Variants in GMIP observed in about 807,000 individuals in gnomAD.
The protein encoded by GMIP is GEM-interacting protein.
Under a neutral mutation model 105.3 loss-of-function variants are expected in GMIP, and 54 were observed. The ratio of observed to expected loss-of-function variants is 0.51; its 90% CI spans 0.41 to 0.64. The LOEUF (loss-of-function observed/expected upper bound fraction) is 0.64, where lower values mean the gene tolerates loss of function less well. Among genes scored for constraint, GMIP ranks in the 30% least tolerant of loss-of-function variants. The pLI, the probability that GMIP is intolerant of heterozygous loss-of-function variation, is 0.00. For missense variants in GMIP, 1,110 were observed against 1,319.4 expected (o/e 0.84, Z 2.46); for synonymous variants, 541 against 560.8 (o/e 0.96, Z 0.50).
intron 2 of GMIP, 59 bp from the exon 3 acceptor site, chr19:19,642,110 T>A: frequency 8.6e-7 from 1 of 1,157,488 alleles, no homozygotes. Flanking sequence ...TGCCAAGGGG[T>A]GCTGGGGACC....
Position 19,630,588 on chromosome 19 carries a change from T to A in GMIP, c.2473-51A>T, listed in dbSNP as rs369233067. On this transcript the variant is annotated intron_variant, in intron 19 of 20. Coordinates refer to ENST00000203556, the MANE Select transcript of GMIP (RefSeq NM_016573.4). The surrounding 1 kb of genome is among the most constrained non-coding windows in gnomAD (Gnocchi z 4.8). ...ACCCCAACACTAAAATCCCAGTTCT[T>A]TGAGATTCCTGGAGAGCCAAGGGCT... is the stretch of plus-strand genomic sequence containing the variant. 3.5e-5 allele frequency: 52 copies of A among 1,497,972 alleles called. No homozygotes were observed. The highest frequency in any genetic ancestry group is 4.7e-5 in the Non-Finnish European group (51 of 1,074,742). The allele number at this position is 1,497,972 out of a possible 1,614,324, so 92.8% of individuals were successfully genotyped here. A position where few individuals can be genotyped will look rare whatever the true frequency, so the allele number is the denominator to read the frequency against.
intron 12 of GMIP, 30 bp downstream of exon 12, chr19:19,636,886 AC>A (rs1418688641): frequency 1.3e-6 from 2 of 1,546,848 alleles, no homozygotes; most frequent in Non-Finnish European, 1.8e-6. Context: ...AACTCCTGGC[AC>A]CACTCCCACC....
At chr19:19,633,526 G>A (rs1030732833) in intron 19 of GMIP, among the ~76,000 whole-genome samples, 22 of 152,142 alleles carry the variant, frequency 1.4e-4, no homozygotes, top group Admixed American at 1.2e-3. Context: ...CAATGCCTAC[G>A]ACAATGCTTG....
chr19:19,641,086 T>A (rs1251499771), intron 4 of GMIP, among the ~76,000 whole-genome samples: 2 of 151,198 alleles, frequency 1.3e-5, no homozygotes, highest in Admixed American at 1.3e-4. Flanking sequence ...TGGGTTTTTT[T>A]ATTTTTATTT....
chr19:19,640,419 C>G (rs1255084739), intron 5 of GMIP, 27 bp downstream of exon 5: 1 of 1,614,012 alleles, frequency 6.2e-7, no homozygotes, highest in Non-Finnish European at 8.5e-7. Flanking sequence ...TGCCTGGTAA[C>G]TGGGGCTGGG....
At chr19:19,640,615 C>A in intron 4 of GMIP, 44 bp from the exon 5 acceptor site, 1 of 1,608,874 alleles carries the variant, frequency 6.2e-7, no homozygotes, top group Admixed American at 1.7e-5. Context: ...CCCTAGTCTG[C>A]TATGGATGTC....
chr19:19,636,709 G>T lies in GMIP; in HGVS notation c.1325C>A (p.Pro442Gln). 6.2e-7 allele frequency: 1 copy of T among 1,610,550 alleles called. No individual in the cohort carries two copies. Among genetic ancestry groups the T allele is most frequent in the Non-Finnish European group, 8.5e-7 (1 of 1,177,282 alleles). ...TCAGGACCAGGTCCTATCCCTACCT[G>T]GGCTGGAAGTGGGTGAGTCCAGGGA... ...SRSLDSPTSS[P>Q]GAGTRQLVKA... Residue 442 changes from proline (P) to glutamine (Q), a missense_variant and splice_region_variant, in exon 13 of 21, where the codon CCA becomes CAA. Physicochemically the swap from Pro to Gln is moderately conservative, Grantham distance 76. Around this residue, in one of 3 missense-constraint regions of GMIP, gnomAD observed 667 missense variants for 773.2 expected, o/e 0.86. Transcript: ENST00000203556.
chr19:19,635,100 C>T lies in GMIP; in HGVS notation c.1674G>A (p.Arg558=), dbSNP rs755087967. The T allele has an allele frequency of 1.2e-5, 20 of 1,614,022 alleles. No individual in the cohort carries two copies. The East Asian group carries it at 3.1e-4, about 25-fold the overall frequency. ...CAAAGGGTACCTCCTCCGGGAAGTC[C>T]CTGGGTAGCTGCAGGAAGTCAACCC... ...LFGVDFLQLP[R]DFPEEVPFVV... The change falls in exon 16 of 21, where the codon AGG becomes AGA. Residue 558 remains arginine (R), a synonymous_variant. Transcript: ENST00000203556. The surrounding 1 kb of genome is among the most constrained non-coding windows in gnomAD (Gnocchi z 4.7).
In GMIP at chr19:19,632,388, T is replaced by C. The variant is rs376212623; in HGVS notation, c.2472+1415A>G. Among the ~76,000 whole-genome samples the C allele has an allele frequency of 2.2e-4, 34 of 151,998 alleles. 1 individual carries two copies. In the East Asian group the frequency reaches 4.7e-3, roughly 21 times the overall value. ...GCTGAGGTGGGTGGGTTACTTGAGGTAGGGGGTTGGAGACCAGCCTGGCTA... is the reference window on the plus strand; with the variant it reads ...GCTGAGGTGGGTGGGTTACTTGAGGCAGGGGGTTGGAGACCAGCCTGGCTA... On this transcript the variant is annotated intron_variant, in intron 19 of 20. Transcript: ENST00000203556.
intron 2 of GMIP, 74 bp downstream of exon 2, chr19:19,642,461 C>T: frequency 1.1e-6 from 1 of 883,152 alleles, no homozygotes; most frequent in South Asian, 1.4e-5. Context: ...CCAAATGGGA[C>T]TGCAAGGCAC....
intron 4 of GMIP, 35 bp downstream of exon 4, chr19:19,641,775 C>T: frequency 1.4e-6 from 2 of 1,469,194 alleles, no homozygotes; most frequent in South Asian, 2.3e-5. Flanking sequence ...AGACTCCTGT[C>T]TGTCCCCACT....
At position 19,637,072 on chromosome 19, in the gene GMIP, G is replaced by A. The variant is rs1331808368; in HGVS notation, c.1125-43C>T. ...TGAAGGTTTGAATCCCAGGAAACTG[G>A]CCTGGGGTGATGGCACCCAGGCATC... is the stretch of plus-strand genomic sequence containing the variant. On this transcript the variant is annotated intron_variant, in intron 11 of 20. Transcript: ENST00000203556. The surrounding 1 kb of genome is among the most constrained non-coding windows in gnomAD (Gnocchi z 6.7). 3.0e-6 allele frequency: 4 copies of A among 1,348,566 alleles called. No homozygotes were observed. Among genetic ancestry groups the A allele is most frequent in the African/African-American group, 1.4e-5 (1 of 69,084 alleles). The allele number at this position is 1,348,566 out of a possible 1,614,324, so 83.5% of individuals were successfully genotyped here.
At position 19,630,685 on chromosome 19, in the gene GMIP, C is replaced by T. The variant is rs1000014813; in HGVS notation, c.2473-148G>A. The T allele has an allele frequency of 6.1e-5, 41 of 675,650 alleles. No individual in the cohort carries two copies. The highest frequency in any genetic ancestry group is 2.6e-4 in the East Asian group (10 of 37,770). 41.9% of individuals were successfully genotyped at this position (675,650 alleles called of 1,614,324 possible). A position where few individuals can be genotyped will look rare whatever the true frequency, so the allele number is the denominator to read the frequency against. On this transcript the variant is annotated intron_variant, in intron 19 of 20. Transcript: ENST00000203556. This position sits in a 1 kb window ranked among gnomAD's most constrained non-coding sequence, Gnocchi z 4.8. ...TAGGAGCATGCCTGGTATGTTAGGA[C>T]GCAGCCCCACCCTGTAATGAATGAG...
chr19:19,640,424 G>A (rs2061906338), intron 5 of GMIP, 22 bp downstream of exon 5: 5 of 1,614,120 alleles, frequency 3.1e-6, no homozygotes, highest in Non-Finnish European at 4.2e-6. Flanking sequence ...GGTAACTGGG[G>A]CTGGGCGGAA....
Position 19,635,427 on chromosome 19 carries a change from C to T in GMIP, c.1548G>A (p.Thr516=), listed in dbSNP as rs761227217. 19 of 1,609,102 alleles carry T rather than the reference C, an allele frequency of 1.2e-5. No individual in the cohort carries two copies. The highest frequency in any genetic ancestry group is 8.8e-5 in the South Asian group (8 of 90,918). The change falls in exon 15 of 21, where the codon ACG becomes ACA. Residue 516 remains threonine (T), a synonymous_variant. Coordinates refer to ENST00000203556, the MANE Select transcript of GMIP (RefSeq NM_016573.4). The surrounding 1 kb of genome is among the most constrained non-coding windows in gnomAD (Gnocchi z 4.7). The part of the protein sequence containing the change: ...RECEAFMVSG[T]ECEECFLTCH... Reference sequence around the variant, plus strand: ...ACCCAGGCCACACCTCCTCACACTCCGTCCCGCTGACCATGAAGGCTTCGC... The same window carrying T: ...ACCCAGGCCACACCTCCTCACACTCTGTCCCGCTGACCATGAAGGCTTCGC...
Position 19,637,606 on chromosome 19 carries a change from G to GC in GMIP, c.928-46dup. The GC allele has an allele frequency of 7.0e-7, 1 of 1,420,570 alleles. No individual in the cohort carries two copies. The highest frequency in any genetic ancestry group is 2.2e-4 in the Middle Eastern group (1 of 4,604). The allele number at this position is 1,420,570 out of a possible 1,614,324, so 88.0% of individuals were successfully genotyped here. ...GGTTGGGGAGGGGCGGAGCCTGGGAGCCTGGGGGCAGGGCCAGAGCTGGGG... is the reference window on the plus strand; with the variant it reads ...GGTTGGGGAGGGGCGGAGCCTGGGAGCCCTGGGGGCAGGGCCAGAGCTGGGG... On this transcript the variant is annotated intron_variant, in intron 10 of 20. Transcript: ENST00000203556. This position sits in a 1 kb window ranked among gnomAD's most constrained non-coding sequence, Gnocchi z 6.7.
In GMIP at chr19:19,630,167, C is replaced by A. The variant is rs112932461; in HGVS notation, c.2709G>T (p.Val903=). 1,885 of 1,604,060 alleles carry A rather than the reference C, an allele frequency of 1.2e-3. 1 individual carries two copies. Among genetic ancestry groups the A allele is most frequent in the Middle Eastern group, 1.5e-3 (9 of 6,010 alleles). Residue 903 remains valine, a synonymous_variant, in exon 21 of 21, where the codon GTG becomes GTT. Transcript: ENST00000203556. The surrounding 1 kb of genome is among the most constrained non-coding windows in gnomAD (Gnocchi z 4.8). ...CCCGCCCCCGCAAACTCCCTCTGGG[C>A]ACTGATGTGATGGGGGTCTCCTCGC... The part of the protein sequence containing the change: ...KLCEETPITS[V]PRGSLRGRGP...
Position 19,630,471 on chromosome 19 carries a change from C to T in GMIP, c.2539G>A (p.Val847Met), listed in dbSNP as rs1362641310. The T allele has an allele frequency of 2.5e-6, 4 of 1,613,680 alleles. No individual in the cohort carries two copies. The highest frequency in any genetic ancestry group is 3.4e-6 in the Non-Finnish European group (4 of 1,179,650). Residue 847 changes from valine (V) to methionine (M), a missense_variant and splice_region_variant, in exon 20 of 21, where the codon GTG becomes ATG. Val to Met is a conservative substitution (Grantham distance 21). Around this residue, in one of 3 missense-constraint regions of GMIP, gnomAD observed 394 missense variants for 450.5 expected, o/e 0.87. Transcript: ENST00000203556. This position sits in a 1 kb window ranked among gnomAD's most constrained non-coding sequence, Gnocchi z 4.8. Reference sequence around the variant, plus strand: ...CTGAGCCTCTCTCTAACATACTCACCTTCCCCTCCCCCATCTTTGGTGTCT... The same window carrying T: ...CTGAGCCTCTCTCTAACATACTCACTTTCCCCTCCCCCATCTTTGGTGTCT... ...AEDTKDGGGEVSSQGPEDSLL... is the reference protein window; with the variant it reads ...AEDTKDGGGEMSSQGPEDSLL...
At position 19,637,900 on chromosome 19, in the gene GMIP, G is replaced by A. The variant is rs761108762; in HGVS notation, c.927+20C>T. On this transcript the variant is annotated intron_variant, in intron 10 of 20. Transcript: ENST00000203556. The surrounding 1 kb of genome is among the most constrained non-coding windows in gnomAD (Gnocchi z 6.7). Reference sequence around the variant, plus strand: ...GCCCCAACGGGGTGAGGGGAGGATGGCCTTGGGGATGGGCCTCACCCGCCT... The same window carrying A: ...GCCCCAACGGGGTGAGGGGAGGATGACCTTGGGGATGGGCCTCACCCGCCT... The A allele has an allele frequency of 8.2e-6, 13 of 1,584,864 alleles. No individual in the cohort carries two copies. In the Admixed American group the frequency reaches 2.1e-4, roughly 25 times the overall value.
Sources: allele counts gnomAD v4.1 joint callset (sites outside exome capture counted in the v4.1 genomes callset), GRCh38; gene constraint gnomAD v4.1.1; regional missense constraint gnomAD v4.1.1; non-coding constraint Gnocchi (gnomAD v3.1); transcripts MANE v1.5; gene names NCBI Gene and HGNC (gene_info 2026-07-23, HGNC 2026-07-21).